PRUNE2: variants seen among roughly 807,000 people sequenced by gnomAD.
PRUNE2 encodes the protein prune homolog 2 with BCH domain.
A neutral mutation model predicts 252.0 loss-of-function variants in PRUNE2; 164 were observed. The observed-to-expected ratio is 0.65, with a 90% CI of 0.57 to 0.74. The LOEUF is 0.74. PRUNE2 is among the 30% of genes least tolerant of loss of function. The probability of loss-of-function intolerance (pLI) is 0.00; values close to 1 mark genes in which losing one functional copy is unlikely to be tolerated. For synonymous variants in PRUNE2, 1,292 were observed against 1,350.2 expected (o/e 0.96, Z 0.94); for missense variants, 3,495 against 3,711.0 (o/e 0.94, Z 1.51).
chr9:76,774,822 G>A (rs1025350798), intron 6 of PRUNE2, among the ~76,000 whole-genome samples: 1 of 152,196 alleles, frequency 6.6e-6, no homozygotes, highest in Non-Finnish European at 1.5e-5. Context: ...AAACAGGGGA[G>A]CTTTAGCACC....
At chr9:76,791,165 G>A (rs2055512783) in intron 6 of PRUNE2, among the ~76,000 whole-genome samples, 1 of 152,076 alleles carries the variant, frequency 6.6e-6, no homozygotes, top group African/African-American at 2.4e-5. Flanking sequence ...GCACAGAATG[G>A]TGACTACATA....
At chr9:76,894,181 C>T (rs1564521572) in intron 1 of PRUNE2, among the ~76,000 whole-genome samples, 1 of 152,140 alleles carries the variant, frequency 6.6e-6, no homozygotes, top group Admixed American at 6.5e-5. Context: ...CCACAAGAAT[C>T]GGCTAAAAGA....
intron 6 of PRUNE2, among the ~76,000 whole-genome samples, chr9:76,793,298 C>T (rs190963583): frequency 1.3e-5 from 2 of 152,126 alleles, no homozygotes; most frequent in South Asian, 4.1e-4. Context: ...TAATAATGAA[C>T]AATAAACATG....
intron 6 of PRUNE2, among the ~76,000 whole-genome samples, chr9:76,718,569 T>C (rs2047360547): frequency 6.6e-6 from 1 of 152,218 alleles, no homozygotes; most frequent in Non-Finnish European, 1.5e-5. Context: ...ACACACCTTG[T>C]TTTTCTCCGG....
intron 6 of PRUNE2, among the ~76,000 whole-genome samples, chr9:76,745,849 A>G (rs2135640474): frequency 6.6e-6 from 1 of 152,032 alleles, no homozygotes; most frequent in Non-Finnish European, 1.5e-5. Context: ...TCTTTTGTTA[A>G]CTCATCCCTC....
intron 18 of PRUNE2, among the ~76,000 whole-genome samples, chr9:76,617,394 T>A (rs1830214509): frequency 6.6e-6 from 1 of 152,096 alleles, no homozygotes; most frequent in Admixed American, 6.5e-5. Flanking sequence ...AGGTGTAAAA[T>A]GCTTCCACAC....
At chr9:76,747,453 T>G (rs2050225071) in intron 6 of PRUNE2, among the ~76,000 whole-genome samples, 1 of 152,198 alleles carries the variant, frequency 6.6e-6, no homozygotes, top group South Asian at 2.1e-4. Context: ...TTATGTTCCA[T>G]GATAATCCTA....
intron 6 of PRUNE2, among the ~76,000 whole-genome samples, chr9:76,769,493 G>A: frequency 8.7e-6 from 1 of 115,232 alleles, no homozygotes; most frequent in South Asian, 3.1e-4. Flanking sequence ...CACAATCTCG[G>A]CTCGTCGTCG....
chr9:76,823,667 T>C lies in PRUNE2; in HGVS notation c.721A>G (p.Lys241Glu), dbSNP rs1564377973. 1 of 1,612,360 alleles carries C rather than the reference T, an allele frequency of 6.2e-7. No homozygotes were observed. Among genetic ancestry groups the C allele is most frequent in the Non-Finnish European group, 8.5e-7 (1 of 1,178,434 alleles). The change falls in exon 6 of 19, where the codon AAA becomes GAA. Residue 241 changes from lysine (K) to glutamate (E), a missense_variant. Physicochemically the swap from Lys to Glu is moderately conservative, Grantham distance 56. Transcript: ENST00000376718. ...ATGCTCACAGTACTAATGGCCACTT[T>C]TATTTCTCCATCTGACAGCTCCTTT... ...DLKELSDGEIKVAISTVSMNL... is the reference protein window; with the variant it reads ...DLKELSDGEIEVAISTVSMNL...
chr9:76,785,527 A>G (rs146798609), intron 6 of PRUNE2: 1 of 152,316 alleles, frequency 6.6e-6, no homozygotes, highest in Non-Finnish European at 1.5e-5. Flanking sequence ...ATGCAGTGCA[A>G]ATCCCCAAAG....
intron 6 of PRUNE2, among the ~76,000 whole-genome samples, chr9:76,821,306 T>C (rs1251817726): frequency 6.6e-6 from 1 of 152,158 alleles, no homozygotes; most frequent in Admixed American, 6.5e-5. Context: ...TGTTCCAAAA[T>C]CCACAAAATA....
chr9:76,680,331 GCTA>G (rs1336051204), intron 9 of PRUNE2, among the ~76,000 whole-genome samples: 5 of 152,034 alleles, frequency 3.3e-5, no homozygotes, highest in East Asian at 1.9e-4. Flanking sequence ...CATTAGGATG[GCTA>G]CTGTTAAAAA....
chr9:76,706,663 G>A lies in PRUNE2; in HGVS notation c.5611C>T (p.Pro1871Ser). The A allele has an allele frequency of 6.2e-7, 1 of 1,613,722 alleles. No homozygotes were observed. Among genetic ancestry groups the A allele is most frequent in the Middle Eastern group, 1.6e-4 (1 of 6,062 alleles). The change falls in exon 8 of 19, where the codon CCA becomes TCA. Residue 1871 changes from proline to serine, a missense_variant. Transcript: ENST00000376718. Reference sequence around the variant, plus strand: ...ACGGGCTCAATATCACCCTGAACTGGTACTCCCCAGGGACTGGCATTTTGG... The same window carrying A: ...ACGGGCTCAATATCACCCTGAACTGATACTCCCCAGGGACTGGCATTTTGG... ...VHQNASPWGV[P>S]VQGDIEPVET... is the part of the protein sequence containing the mutation.
Position 76,638,282 on chromosome 9 carries a change from T to C in PRUNE2, c.8735A>G (p.Tyr2912Cys). ...YRRVISHGGY[Y>C]GDGLNAIIVF... ...AATGATGGCATTTAGACCGTCCCCA[T>C]AGTATCCTGGGGGACAAACAAAAAG... The change falls in exon 13 of 19, where the codon TAT (tyrosine) becomes TGT (cysteine). Residue 2912 changes from tyrosine (Y) to cysteine (C), a missense_variant. Coordinates refer to ENST00000376718, the MANE Select transcript of PRUNE2 (RefSeq NM_015225.3). 2 of 1,609,642 alleles carry C rather than the reference T, an allele frequency of 1.2e-6. No homozygotes were observed. The highest frequency in any genetic ancestry group is 1.7e-6 in the Non-Finnish European group (2 of 1,176,076).
chr9:76,661,515 T>C (rs1253116311), intron 9 of PRUNE2, among the ~76,000 whole-genome samples: 3 of 152,180 alleles, frequency 2.0e-5, no homozygotes, highest in African/African-American at 7.2e-5. Flanking sequence ...AGTGCTGGGA[T>C]TACAGGCATG....
rs1048326923 is a variant in PRUNE2 at position 76,614,211 on chromosome 9, T to C, written c.*359A>G. On this transcript the variant is annotated 3_prime_UTR_variant, in exon 19 of 19. Transcript: ENST00000376718. ...ACCAAAAGGAAATCCAGCTAATCTA[T>C]GGAAACAAATCCACTCATACTTAAC... 4.8e-5 allele frequency: 12 copies of C among 248,012 alleles called. No homozygotes were observed. The highest frequency in any genetic ancestry group is 2.8e-4 in the African/African-American group (12 of 43,280). The allele number at this position is 248,012 out of a possible 1,614,324, so 15.4% of individuals were successfully genotyped here.
chr9:76,690,735 T>C (rs1438831745), intron 9 of PRUNE2, among the ~76,000 whole-genome samples: 1 of 152,222 alleles, frequency 6.6e-6, no homozygotes, highest in Non-Finnish European at 1.5e-5. Flanking sequence ...ATTTAGGACA[T>C]AAAGGGTAAC....
At chr9:76,811,489 T>A (rs1282349219) in intron 6 of PRUNE2, among the ~76,000 whole-genome samples, 2 of 152,174 alleles carry the variant, frequency 1.3e-5, no homozygotes, top group Non-Finnish European at 2.9e-5. Context: ...TATTGGTATC[T>A]GGTATCAAAG....
intron 6 of PRUNE2, 180 bp downstream of exon 6, chr9:76,823,452 C>A: frequency 1.8e-6 from 1 of 547,856 alleles, no homozygotes; most frequent in Non-Finnish European, 3.3e-6. Context: ...TGGCATTTTT[C>A]ATTGACTTAG....
Sources: allele counts gnomAD v4.1 joint callset (sites outside exome capture counted in the v4.1 genomes callset), GRCh38; gene constraint gnomAD v4.1.1; transcripts MANE v1.5; gene names NCBI Gene and HGNC (gene_info 2026-07-23, HGNC 2026-07-21).